The following CDK5RAP2 variants were observed in gnomAD, a reference collection of about 807,000 sequenced individuals.
CDK5RAP2 encodes the protein CDK5 regulatory subunit associated protein 2.
A neutral mutation model predicts 232.9 loss-of-function variants in CDK5RAP2; 147 were observed. The observed-to-expected ratio is 0.63, with a 90% confidence interval of 0.55 to 0.72. The LOEUF (loss-of-function observed/expected upper bound fraction) is 0.72. Among genes scored for constraint, CDK5RAP2 ranks in the 30% least tolerant of loss-of-function variants. CDK5RAP2 has a pLI of 0.00. For synonymous variants in CDK5RAP2, 833 were observed against 833.7 expected, an observed-to-expected ratio of 1.00 and a Z score of 0.01; for missense variants, 2,195 against 2,231.5, an observed-to-expected ratio of 0.98 and a Z score of 0.33.
At chr9:120,481,802 C>G (rs1214548620) in intron 14 of CDK5RAP2, among the ~76,000 whole-genome samples, 1 of 152,150 alleles carries the variant, frequency 6.6e-6, no homozygotes. Flanking sequence ...CGTGAGCCAC[C>G]GTGCCGGGCC....
At chr9:120,576,161 CAATTT>C (rs775582872) in intron 1 of CDK5RAP2, among the ~76,000 whole-genome samples, 9 of 152,182 alleles carry the variant, frequency 5.9e-5, no homozygotes, top group Non-Finnish European at 1.0e-4. Context: ...GATGATAATT[CAATTT>C]GTTTCCAAGT....
intron 11 of CDK5RAP2, among the ~76,000 whole-genome samples, chr9:120,522,154 C>T (rs556641166): frequency 6.6e-6 from 1 of 152,326 alleles, no homozygotes; most frequent in African/African-American, 2.4e-5. Flanking sequence ...AATATGCACA[C>T]ACCCCCATAC....
At chr9:120,537,831 T>C (rs1016788266) in intron 6 of CDK5RAP2, among the ~76,000 whole-genome samples, 1 of 152,206 alleles carries the variant, frequency 6.6e-6, no homozygotes, top group African/African-American at 2.4e-5. Context: ...CACAATAAAT[T>C]GTTAATACCA....
chr9:120,570,749 G>A (rs1025159981), intron 2 of CDK5RAP2, among the ~76,000 whole-genome samples: 3 of 152,192 alleles, frequency 2.0e-5, no homozygotes, highest in African/African-American at 7.2e-5. Flanking sequence ...TGAGGCAGAA[G>A]AATTGCTTGA....
intron 35 of CDK5RAP2, among the ~76,000 whole-genome samples, chr9:120,396,570 C>T (rs2032482219): frequency 6.6e-6 from 1 of 152,148 alleles, no homozygotes; most frequent in Non-Finnish European, 1.5e-5. Flanking sequence ...CTGGGTGCCC[C>T]GGGGCTCAGT....
chr9:120,576,097 G>C (rs565623310), intron 1 of CDK5RAP2, among the ~76,000 whole-genome samples: 1 of 152,238 alleles, frequency 6.6e-6, no homozygotes, highest in African/African-American at 2.4e-5. Flanking sequence ...CTACCAACGG[G>C]CCACAGTCTG....
rs746491992 is a variant in CDK5RAP2, at chr9:120,453,875, T to G, written c.2376-2A>C. 5.0e-6 allele frequency: 8 copies of G among 1,614,200 alleles called. No homozygotes were observed. The highest frequency in any genetic ancestry group is 6.8e-6 in the Non-Finnish European group (8 of 1,180,010). On this transcript the variant is annotated splice_acceptor_variant, in intron 20 of 37. Coordinates refer to ENST00000349780, the MANE Select transcript of CDK5RAP2 (RefSeq NM_018249.6). LOFTEE classifies it high-confidence loss of function. ...CGTACCACTTTCAGAAGGTCTGGCCTGTTTTTCCAAAAGGGAAGGAAGTGG... is the reference window on the plus strand; with the variant it reads ...CGTACCACTTTCAGAAGGTCTGGCCGGTTTTTCCAAAAGGGAAGGAAGTGG...
chr9:120,401,597 C>T (rs1173913623), intron 34 of CDK5RAP2, among the ~76,000 whole-genome samples: 1 of 125,632 alleles, frequency 8.0e-6, no homozygotes, highest in Non-Finnish European at 1.6e-5. Context: ...GACAACATGG[C>T]CAGACCCTGT....
intron 14 of CDK5RAP2, among the ~76,000 whole-genome samples, chr9:120,486,713 A>G (rs182229048): frequency 9.9e-4 from 151 of 152,306 alleles, no homozygotes; most frequent in African/African-American, 3.5e-3. Context: ...GGGGGACCAC[A>G]CTACTAAGCA....
intron 13 of CDK5RAP2, among the ~76,000 whole-genome samples, chr9:120,488,815 G>A (rs2038745997): frequency 1.3e-5 from 2 of 152,220 alleles, no homozygotes; most frequent in Admixed American, 6.5e-5. Context: ...CTGCATTTTA[G>A]TTTCTTAGAG....
At chr9:120,406,687 G>C (rs1428387721) in intron 32 of CDK5RAP2, 1 of 352,902 alleles carries the variant, frequency 2.8e-6, no homozygotes, top group Non-Finnish European at 5.2e-6. Context: ...GGCAGTAAGA[G>C]AAACTAAAAG....
At chr9:120,571,403 T>A (rs1373819284) in intron 2 of CDK5RAP2, among the ~76,000 whole-genome samples, 2 of 152,214 alleles carry the variant, frequency 1.3e-5, no homozygotes, top group Non-Finnish European at 2.9e-5. Context: ...AAGCATTCAC[T>A]TTTTTCAGAA....
At chr9:120,418,414 G>A (rs958913931) in intron 27 of CDK5RAP2, among the ~76,000 whole-genome samples, 6 of 152,208 alleles carry the variant, frequency 3.9e-5, no homozygotes, top group African/African-American at 7.2e-5. Context: ...AAGAGTTCCC[G>A]TTTAAATAAT....
intron 14 of CDK5RAP2, among the ~76,000 whole-genome samples, chr9:120,486,837 T>C (rs1334691096): frequency 6.6e-6 from 1 of 152,120 alleles, no homozygotes; most frequent in African/African-American, 2.4e-5. Flanking sequence ...TGGAACTACA[T>C]ACACAAAGGC....
intron 3 of CDK5RAP2, among the ~76,000 whole-genome samples, chr9:120,555,262 G>A (rs1465421359): frequency 6.6e-6 from 1 of 152,136 alleles, no homozygotes; most frequent in East Asian, 1.9e-4. Flanking sequence ...CTCCTGAGCA[G>A]CTGGGATTAC....
chr9:120,523,450 G>A (rs1278101233), intron 11 of CDK5RAP2, among the ~76,000 whole-genome samples: 2 of 152,210 alleles, frequency 1.3e-5, no homozygotes, highest in African/African-American at 2.4e-5. Flanking sequence ...AGTCTAAAGT[G>A]TAATCTTAGC....
intron 37 of CDK5RAP2, among the ~76,000 whole-genome samples, 158 bp from the exon 38 acceptor site, chr9:120,389,450 T>C (rs1259544630): frequency 6.6e-6 from 1 of 152,258 alleles, no homozygotes; most frequent in Non-Finnish European, 1.5e-5. Flanking sequence ...GATGAGATCA[T>C]ACTGTATTCA....
In CDK5RAP2 at chr9:120,415,023, G is replaced by A. The variant is rs758074250; in HGVS notation, c.4297+17C>T. The A allele has an allele frequency of 1.2e-6, 2 of 1,613,784 alleles. No homozygotes were observed. The highest frequency in any genetic ancestry group is 2.2e-5 in the South Asian group (2 of 91,078). ...ACTCACAGACATGTACAGTCCTCCA[G>A]GAAGGTCTTTCCTTACCTTGAACAA... is the stretch of plus-strand genomic sequence containing the variant. On this transcript the variant is annotated intron_variant, in intron 28 of 37. Transcript: ENST00000349780.
chr9:120,410,704 A>G (rs1178064437), intron 29 of CDK5RAP2, among the ~76,000 whole-genome samples: 2 of 152,248 alleles, frequency 1.3e-5, no homozygotes, highest in South Asian at 4.1e-4. Flanking sequence ...AGGAGCATCA[A>G]TATCCTTTTA....
Sources: allele counts gnomAD v4.1 joint callset (sites outside exome capture counted in the v4.1 genomes callset), GRCh38; gene constraint gnomAD v4.1.1; transcripts MANE v1.5; gene names NCBI Gene and HGNC (gene_info 2026-07-23, HGNC 2026-07-21).